The following DAB1 variants were observed in gnomAD, a reference collection of about 807,000 sequenced individuals.
DAB1 encodes the protein disabled homolog 1.
In DAB1, 15 loss-of-function variants were observed where a neutral mutation model predicts 64.6. The observed-to-expected ratio is 0.23, with a 90% CI of 0.16 to 0.36. DAB1 has a LOEUF of 0.36. DAB1 is among the 10% of genes least tolerant of loss of function. DAB1 has a pLI of 1.00. For missense variants in DAB1, 596 were observed against 706.7 expected, an observed-to-expected ratio of 0.84 and a Z score of 1.78; for synonymous variants, 235 against 251.9, an observed-to-expected ratio of 0.93 and a Z score of 0.64.
intron 2 of DAB1, among the ~76,000 whole-genome samples, chr1:57,273,659 A>G (rs1470746797): frequency 8.3e-6 from 1 of 120,300 alleles, no homozygotes; most frequent in Non-Finnish European, 1.6e-5. Flanking sequence ...TGTCTTCTCC[A>G]CTCGAGTCAA....
At chr1:58,532,523 T>C (rs1207815805) in intron 1 of DAB1, among the ~76,000 whole-genome samples, 4 of 152,072 alleles carry the variant, frequency 2.6e-5, no homozygotes, top group African/African-American at 4.8e-5. Flanking sequence ...GAAAAAAAGA[T>C]TTTTTTTCTT....
intron 2 of DAB1, among the ~76,000 whole-genome samples, chr1:57,266,586 A>T (rs546476403): frequency 9.2e-5 from 14 of 152,288 alleles, no homozygotes; most frequent in South Asian, 6.2e-4. Flanking sequence ...ATCATACTGG[A>T]CTACAGCAAT....
chr1:57,808,873 C>T (rs867262526), intron 6 of DAB1, among the ~76,000 whole-genome samples: 3 of 152,092 alleles, frequency 2.0e-5, no homozygotes, highest in Non-Finnish European at 4.4e-5. Flanking sequence ...TTGCTGAACT[C>T]GGCTGCTTGT....
intron 3 of DAB1, among the ~76,000 whole-genome samples, chr1:58,445,001 A>G (rs913425508): frequency 6.6e-6 from 1 of 152,218 alleles, no homozygotes; most frequent in African/African-American, 2.4e-5. Context: ...TCAAATATAT[A>G]TCAGCTCCAC....
chr1:58,415,837 C>T (rs950983656), intron 3 of DAB1, among the ~76,000 whole-genome samples: 1 of 152,192 alleles, frequency 6.6e-6, no homozygotes, highest in African/African-American at 2.4e-5. Context: ...GTTCTAATCT[C>T]AGCTCTGCCA....
At chr1:58,174,444 T>C (rs908261630) in intron 4 of DAB1, among the ~76,000 whole-genome samples, 2 of 152,194 alleles carry the variant, frequency 1.3e-5, no homozygotes, top group Admixed American at 6.5e-5. Flanking sequence ...CAAGGACCCC[T>C]GGACCGACCT....
At chr1:57,196,425 G>A (rs72917170) in intron 2 of DAB1, among the ~76,000 whole-genome samples, 4,083 of 152,228 alleles carry the variant, frequency 0.027, 90 homozygotes, top group African/African-American at 0.061. Flanking sequence ...GAGATGACCT[G>A]GCAGTGAGTG....
intron 2 of DAB1, among the ~76,000 whole-genome samples, chr1:57,155,405 G>A (rs1330516141): frequency 1.3e-5 from 2 of 152,040 alleles, no homozygotes; most frequent in African/African-American, 2.4e-5. Flanking sequence ...TTAGGCCAGT[G>A]CGGTGCTGTT....
At chr1:58,337,241 C>T (rs1663139549) in intron 4 of DAB1, among the ~76,000 whole-genome samples, 1 of 148,866 alleles carries the variant, frequency 6.7e-6, no homozygotes, top group South Asian at 2.1e-4. Context: ...GAGATCATGC[C>T]ACTGCACTCC....
intron 5 of DAB1, among the ~76,000 whole-genome samples, chr1:58,037,043 C>G (rs1318476005): frequency 2.0e-5 from 3 of 152,084 alleles, no homozygotes; most frequent in Non-Finnish European, 2.9e-5. Context: ...CCCTAGGATG[C>G]CTTTGTGTAG....
chr1:58,339,931 A>C (rs1388120906), intron 4 of DAB1, among the ~76,000 whole-genome samples: 1 of 152,196 alleles, frequency 6.6e-6, no homozygotes, highest in African/African-American at 2.4e-5. Flanking sequence ...TTTCCACTGA[A>C]TATTTCTTCA....
chr1:57,907,007 A>G (rs1447629074), intron 5 of DAB1, among the ~76,000 whole-genome samples: 1 of 152,180 alleles, frequency 6.6e-6, no homozygotes, highest in Admixed American at 6.5e-5. Context: ...GCAAAGGAAC[A>G]TTGTAAGCAA....
chr1:57,896,723 A>G (rs1202836), intron 5 of DAB1, among the ~76,000 whole-genome samples: 46,506 of 152,096 alleles, frequency 0.31, 7,795 homozygotes, highest in African/African-American at 0.44. Flanking sequence ...TGTTATGAGT[A>G]TTAAATGAGA....
intron 4 of DAB1, among the ~76,000 whole-genome samples, chr1:58,325,559 G>C (rs1662802587): frequency 6.6e-6 from 1 of 152,210 alleles, no homozygotes; most frequent in African/African-American, 2.4e-5. Flanking sequence ...ATTAAGCTTT[G>C]ATCTGCCCAT....
intron 2 of DAB1, among the ~76,000 whole-genome samples, chr1:57,185,417 C>G (rs1294213981): frequency 3.3e-5 from 5 of 151,996 alleles, no homozygotes; most frequent in Non-Finnish European, 2.9e-5. Flanking sequence ...AATACCTGGG[C>G]AAAGAGAAGG....
chr1:57,423,380 C>T (rs1182753712), intron 1 of DAB1, among the ~76,000 whole-genome samples: 3 of 152,112 alleles, frequency 2.0e-5, no homozygotes, highest in African/African-American at 7.2e-5. Context: ...CGCGAAAGGG[C>T]TGGGATTACT....
At chr1:58,330,857 A>G (rs918542444) in intron 4 of DAB1, among the ~76,000 whole-genome samples, 1 of 152,196 alleles carries the variant, frequency 6.6e-6, no homozygotes, top group Non-Finnish European at 1.5e-5. Context: ...TGGTCATTCA[A>G]CCCTGGGCTC....
intron 5 of DAB1, among the ~76,000 whole-genome samples, chr1:58,095,175 G>C (rs994551908): frequency 6.6e-6 from 1 of 152,172 alleles, no homozygotes; most frequent in African/African-American, 2.4e-5. Context: ...CCCCAGCACA[G>C]AGCCTGGCTC....
intron 4 of DAB1, among the ~76,000 whole-genome samples, chr1:57,076,694 A>C (rs372503072): frequency 6.6e-6 from 1 of 152,172 alleles, no homozygotes; most frequent in Non-Finnish European, 1.5e-5. Flanking sequence ...AGCTCAGAGA[A>C]CTATAGTGTA....
Sources: allele counts gnomAD v4.1 joint callset (sites outside exome capture counted in the v4.1 genomes callset), GRCh38; gene constraint gnomAD v4.1.1; transcripts MANE v1.5; gene names NCBI Gene and HGNC (gene_info 2026-07-23, HGNC 2026-07-21).